The following CELF4 variants were observed in gnomAD, a reference collection of about 807,000 sequenced individuals.
CELF4 encodes the protein CUG-BP- and ETR-3-like factor 4.
Under a neutral mutation model 59.9 loss-of-function variants are expected in CELF4, and 18 were observed. The ratio of observed to expected loss-of-function variants is 0.30; its 90% confidence interval spans 0.21 to 0.45. The LOEUF (loss-of-function observed/expected upper bound fraction) is 0.45, where lower values mean the gene tolerates loss of function less well. Among genes scored for constraint, CELF4 ranks in the 20% least tolerant of loss-of-function variants. The pLI, the probability that CELF4 is intolerant of heterozygous loss-of-function variation, is 1.00. For missense variants in CELF4, 456 were observed against 689.0 expected, an observed-to-expected ratio of 0.66 and a Z score of 3.79; for synonymous variants, 261 against 267.1, an observed-to-expected ratio of 0.98 and a Z score of 0.22.
At chr18:37,324,320 G>C (rs2097222646) in intron 2 of CELF4, among the ~76,000 whole-genome samples, 1 of 152,162 alleles carries the variant, frequency 6.6e-6, no homozygotes, top group Admixed American at 6.5e-5. Flanking sequence ...AGGTTGAATG[G>C]AGTTATAAGA....
intron 1 of CELF4, among the ~76,000 whole-genome samples, chr18:37,538,059 CT>C (rs1249407137): frequency 6.6e-6 from 1 of 152,248 alleles, no homozygotes; most frequent in African/African-American, 2.4e-5. Context: ...CTGGTGCCCT[CT>C]GCTGGCCACG....
intron 3 of CELF4, among the ~76,000 whole-genome samples, chr18:37,285,368 C>T (rs532920707): frequency 6.6e-6 from 1 of 152,252 alleles, no homozygotes; most frequent in Non-Finnish European, 1.5e-5. Context: ...AGAATCTCCT[C>T]TAACTGCACT....
intron 2 of CELF4, among the ~76,000 whole-genome samples, chr18:37,328,034 A>G (rs1182571063): frequency 6.6e-6 from 1 of 152,200 alleles, no homozygotes; most frequent in Non-Finnish European, 1.5e-5. Flanking sequence ...AGAGAGAAAG[A>G]GAGAGGGAGG....
chr18:37,304,022 T>C (rs61573314), intron 3 of CELF4, among the ~76,000 whole-genome samples: 7,893 of 152,292 alleles, frequency 0.052, 518 homozygotes, highest in African/African-American at 0.15. Context: ...CCAGGGCCAA[T>C]GTTGCAAGGA....
At chr18:37,451,045 C>G (rs1229234569) in intron 2 of CELF4, among the ~76,000 whole-genome samples, 1 of 152,208 alleles carries the variant, frequency 6.6e-6, no homozygotes, top group African/African-American at 2.4e-5. Context: ...GAAGGAGCCC[C>G]AGGGACATGG....
chr18:37,289,665 T>G (rs1223626839), intron 3 of CELF4, among the ~76,000 whole-genome samples: 1 of 152,092 alleles, frequency 6.6e-6, no homozygotes, highest in African/African-American at 2.4e-5. Flanking sequence ...TCCTGTCCAC[T>G]TCTCACCACC....
chr18:37,442,086 G>T (rs548093874), intron 2 of CELF4, among the ~76,000 whole-genome samples: 1 of 152,302 alleles, frequency 6.6e-6, no homozygotes, highest in South Asian at 2.1e-4. Flanking sequence ...GGCTCCTGCT[G>T]GCACAAAGCT....
intron 2 of CELF4, among the ~76,000 whole-genome samples, chr18:37,383,421 G>A (rs917481560): frequency 6.6e-6 from 1 of 152,228 alleles, no homozygotes; most frequent in Non-Finnish European, 1.5e-5. Flanking sequence ...TAAGGAAACC[G>A]AGAGCTTGGG....
At chr18:37,322,091 G>A (rs187140057) in intron 2 of CELF4, among the ~76,000 whole-genome samples, 1 of 152,348 alleles carries the variant, frequency 6.6e-6, no homozygotes, top group East Asian at 1.9e-4. Context: ...ATTCTTTCAG[G>A]GGGGTGTCTC....
At chr18:37,515,444 G>T (rs2099949595) in intron 1 of CELF4, among the ~76,000 whole-genome samples, 1 of 152,222 alleles carries the variant, frequency 6.6e-6, no homozygotes, top group Admixed American at 6.5e-5. Flanking sequence ...TTCTATCTTT[G>T]GCAGGCCTAG....
At chr18:37,500,770 G>A (rs188147860) in intron 1 of CELF4, among the ~76,000 whole-genome samples, 8 of 152,144 alleles carry the variant, frequency 5.3e-5, no homozygotes, top group East Asian at 1.9e-4. Context: ...TGCTGACCTC[G>A]TGATCCACCC....
intron 1 of CELF4, among the ~76,000 whole-genome samples, chr18:37,551,774 G>A (rs532113965): frequency 6.6e-6 from 1 of 152,294 alleles, no homozygotes; most frequent in African/African-American, 2.4e-5. Context: ...CAGACCCAAA[G>A]CAGGTGAGGA....
At chr18:37,304,479 C>T (rs190345961) in intron 3 of CELF4, among the ~76,000 whole-genome samples, 55 of 152,248 alleles carry the variant, frequency 3.6e-4, no homozygotes, top group African/African-American at 1.2e-3. Flanking sequence ...GTGGAGGTAA[C>T]CTGGGAGGGC....
In CELF4 at chr18:37,455,344, T is replaced by C. The variant is rs1042946553; in HGVS notation, c.369+30181A>G. Reference sequence around the variant, plus strand: ...CAGGCTTAATTTGCTCAGAGGGTTCTTGTGAGTGAGACCTCCTCTGCTTTT... The same window carrying C: ...CAGGCTTAATTTGCTCAGAGGGTTCCTGTGAGTGAGACCTCCTCTGCTTTT... On this transcript the variant is annotated intron_variant, in intron 2 of 12. Coordinates refer to ENST00000420428, the MANE Select transcript of CELF4 (RefSeq NM_020180.4). Among the ~76,000 whole-genome samples, 3 of 152,218 alleles carry C rather than the reference T, an allele frequency of 2.0e-5. No homozygotes were observed. In the East Asian group the frequency reaches 5.8e-4, roughly 29 times the overall value.
chr18:37,551,269 A>G (rs6507205), intron 1 of CELF4, among the ~76,000 whole-genome samples: 128,295 of 152,110 alleles, frequency 0.84, 57,431 homozygotes, highest in Non-Finnish European at 0.98. Flanking sequence ...TCCATAAGAG[A>G]GGAATCTCCC....
At chr18:37,339,086 T>A (rs1179325518) in intron 2 of CELF4, among the ~76,000 whole-genome samples, 1 of 152,206 alleles carries the variant, frequency 6.6e-6, no homozygotes, top group Non-Finnish European at 1.5e-5. Context: ...CGCAGCCCAA[T>A]TTTATAAGCA....
chr18:37,369,378 G>C (rs993226626), intron 2 of CELF4, among the ~76,000 whole-genome samples: 1 of 152,090 alleles, frequency 6.6e-6, no homozygotes, highest in African/African-American at 2.4e-5. Flanking sequence ...TAGAGGATTG[G>C]CTCTCTGGGT....
chr18:37,325,041 G>T (rs1444700525), intron 2 of CELF4, among the ~76,000 whole-genome samples: 2 of 152,122 alleles, frequency 1.3e-5, no homozygotes, highest in Admixed American at 1.3e-4. Context: ...AGAGAGGAGA[G>T]CAGGGAGCCA....
chr18:37,480,512 T>A (rs2099863628), intron 2 of CELF4, among the ~76,000 whole-genome samples: 1 of 152,266 alleles, frequency 6.6e-6, no homozygotes, highest in Non-Finnish European at 1.5e-5. Context: ...TGTCATCATT[T>A]GCCCTTTATA....
Sources: allele counts gnomAD v4.1 joint callset (sites outside exome capture counted in the v4.1 genomes callset), GRCh38; gene constraint gnomAD v4.1.1; transcripts MANE v1.5; gene names NCBI Gene and HGNC (gene_info 2026-07-23, HGNC 2026-07-21).